PPFIA2: variants seen among roughly 807,000 people sequenced by gnomAD.
PPFIA2 encodes PPFI scaffold protein A2, also known as liprin-alpha-2.
A neutral mutation model predicts 175.5 loss-of-function variants in PPFIA2; 46 were observed. The observed-to-expected ratio is 0.26, with a 90% CI of 0.21 to 0.34. The LOEUF is 0.34. PPFIA2 is among the 10% of genes least tolerant of loss of function. The pLI, the probability that PPFIA2 is intolerant of heterozygous loss-of-function variation, is 1.00. For missense variants in PPFIA2, 1,179 were observed against 1,506.1 expected (o/e 0.78, Z 3.60); for synonymous variants, 568 against 511.4 (o/e 1.11, Z -1.49).
intron 4 of PPFIA2, among the ~76,000 whole-genome samples, chr12:81,656,150 CTT>C (rs1210478566): frequency 6.6e-6 from 1 of 151,904 alleles, no homozygotes; most frequent in Non-Finnish European, 1.5e-5. Context: ...TTTGTTCTCT[CTT>C]ATCTGTTATT....
At chr12:81,503,323 G>A (rs10862318) in intron 4 of PPFIA2, among the ~76,000 whole-genome samples, 77,901 of 151,426 alleles carry the variant, frequency 0.51, 20,262 homozygotes, top group African/African-American at 0.59. Flanking sequence ...GCTCATCCAC[G>A]CTGTCCAAAA....
chr12:81,277,562 G>C, intron 27 of PPFIA2, 148 bp from the exon 28 acceptor site: 1 of 835,132 alleles, frequency 1.2e-6, no homozygotes, highest in Non-Finnish European at 1.6e-6. Context: ...CTTCAGTATT[G>C]GAGGGAAATA....
intron 4 of PPFIA2, among the ~76,000 whole-genome samples, chr12:81,530,042 C>T (rs763220769): frequency 7.2e-5 from 11 of 151,898 alleles, no homozygotes; most frequent in Non-Finnish European, 1.5e-4. Flanking sequence ...AGAAAAAGAA[C>T]TTTCAAAGAT....
chr12:81,438,985 G>T lies in PPFIA2; in HGVS notation c.645+987C>A, dbSNP rs2049616965. Among the ~76,000 whole-genome samples, 5 of 151,814 alleles carry T rather than the reference G, an allele frequency of 3.3e-5. No individual in the cohort carries two copies. The South Asian group carries it at 6.2e-4, about 19-fold the overall frequency. ...CATTATTCCCTCCCCTCTACCCTTG[G>T]TTATTTAAGAGTAAGAAGATTTTGC... On this transcript the variant is annotated intron_variant, in intron 7 of 32. Transcript: ENST00000549396.
chr12:81,374,693 C>A lies in PPFIA2; in HGVS notation c.1207G>T (p.Ala403Ser). The change falls in exon 11 of 33, where the codon GCT becomes TCT. Residue 403 changes from alanine to serine, a missense_variant. Coordinates refer to ENST00000549396, the MANE Select transcript of PPFIA2 (RefSeq NM_003625.5). ...GCCTCTACTTCAGGCAAGGTTTCAG[C>A]CTTTCTCATGGTCTGCTGCAACTTT... The part of the protein sequence containing the change: ...EQKLQQTMRK[A>S]ETLPEVEAEL... 1 of 1,613,350 alleles carries A rather than the reference C, an allele frequency of 6.2e-7. No homozygotes were observed.
chr12:81,455,340 G>C (rs1457174809), intron 5 of PPFIA2, among the ~76,000 whole-genome samples: 3 of 152,056 alleles, frequency 2.0e-5, no homozygotes, highest in Admixed American at 1.3e-4. Context: ...GTACAAGGGG[G>C]TTTTCATAAA....
In PPFIA2 at chr12:81,550,328, T is replaced by G. The variant is rs185994559; in HGVS notation, c.304-92462A>C. 7.9e-5 allele frequency among the ~76,000 whole-genome samples: 12 copies of G among 152,064 alleles called. No individual in the cohort carries two copies. The East Asian group carries it at 2.3e-3, about 29-fold the overall frequency. The stretch of plus-strand genomic sequence containing the variant: ...CTAAGACTTTCAGAATGAATAAGAA[T>G]TTGCTAGGCACTTGGGAAATTAAGG... On this transcript the variant is annotated intron_variant, in intron 4 of 32. Coordinates refer to ENST00000549396, the MANE Select transcript of PPFIA2 (RefSeq NM_003625.5).
At chr12:81,420,257 A>G (rs2046012900) in intron 7 of PPFIA2, among the ~76,000 whole-genome samples, 1 of 152,146 alleles carries the variant, frequency 6.6e-6, no homozygotes, top group African/African-American at 2.4e-5. Flanking sequence ...ACATCAATGC[A>G]TGTCTATGAG....
chr12:81,745,345 A>G (rs1157414647), intron 3 of PPFIA2, among the ~76,000 whole-genome samples: 4 of 151,898 alleles, frequency 2.6e-5, no homozygotes, highest in Admixed American at 1.3e-4. Context: ...TTCTCACTTC[A>G]CCCACTCACA....
intron 8 of PPFIA2, among the ~76,000 whole-genome samples, chr12:81,385,180 T>C (rs1381689975): frequency 6.6e-6 from 1 of 152,126 alleles, no homozygotes; most frequent in Non-Finnish European, 1.5e-5. Flanking sequence ...CCTGTTAGAA[T>C]GGCTATTAGC....
chr12:81,340,099 T>C (rs1468276045), intron 20 of PPFIA2, among the ~76,000 whole-genome samples: 2 of 152,118 alleles, frequency 1.3e-5, no homozygotes, highest in East Asian at 1.9e-4. Context: ...TACTTACTCA[T>C]GTGAATTAAT....
At chr12:81,325,723 A>T in intron 22 of PPFIA2, 54 bp downstream of exon 22, 1 of 1,247,980 alleles carries the variant, frequency 8.0e-7, no homozygotes, top group Non-Finnish European at 1.2e-6. Context: ...CCCTATAAAT[A>T]ATAATAAGGA....
rs2142771084 is a variant in PPFIA2, at chr12:81,402,065, A to G, written c.762+3722T>C. ...TTTTTGTCAACTATTTTGTCAACAG[A>G]GTTCTCAATCCACCGACACAAAACA... On this transcript the variant is annotated intron_variant, in intron 8 of 32. Transcript: ENST00000549396. Among the ~76,000 whole-genome samples the G allele has an allele frequency of 2.0e-5, 3 of 152,250 alleles. No individual in the cohort carries two copies. In the South Asian group the frequency reaches 6.2e-4, roughly 32 times the overall value.
chr12:81,665,672 C>G (rs1319739917), intron 4 of PPFIA2, among the ~76,000 whole-genome samples: 1 of 151,956 alleles, frequency 6.6e-6, no homozygotes, highest in African/African-American at 2.4e-5. Flanking sequence ...ATAGAACCAT[C>G]TTGTAAAAGA....
At chr12:81,323,699 C>G (rs2054161539) in intron 22 of PPFIA2, among the ~76,000 whole-genome samples, 1 of 151,580 alleles carries the variant, frequency 6.6e-6, no homozygotes, top group Non-Finnish European at 1.5e-5. Flanking sequence ...AATTTGAAAC[C>G]ATGTAATTTA....
intron 4 of PPFIA2, among the ~76,000 whole-genome samples, chr12:81,564,512 C>T (rs372168355): frequency 1.9e-4 from 29 of 152,210 alleles, no homozygotes; most frequent in Non-Finnish European, 3.4e-4. Flanking sequence ...TTGAGGTTTC[C>T]GGAGTTGGCT....
At chr12:81,316,357 C>A (rs1267812066) in intron 22 of PPFIA2, among the ~76,000 whole-genome samples, 2 of 151,374 alleles carry the variant, frequency 1.3e-5, no homozygotes, top group African/African-American at 2.4e-5. Flanking sequence ...GTGGAAAATT[C>A]TAGATTAAGA....
At chr12:81,432,502 G>A (rs993199229) in intron 7 of PPFIA2, among the ~76,000 whole-genome samples, 2 of 136,888 alleles carry the variant, frequency 1.5e-5, no homozygotes, top group Non-Finnish European at 3.1e-5. Context: ...GTCTTGCTCT[G>A]TCACCCAGGT....
At chr12:81,634,421 G>A (rs554519813) in intron 4 of PPFIA2, among the ~76,000 whole-genome samples, 9 of 152,116 alleles carry the variant, frequency 5.9e-5, no homozygotes, top group South Asian at 2.1e-4. Flanking sequence ...CACAGAGCAC[G>A]TTTCTGGCCT....
Sources: gnomAD v4.1 joint callset for allele counts (sites outside exome capture counted in the v4.1 genomes callset) on GRCh38, gnomAD v4.1.1 for gene constraint, MANE v1.5 for transcripts, NCBI Gene and HGNC (gene_info 2026-07-23, HGNC 2026-07-21) for gene names.